SCHIP1: variants seen among roughly 807,000 people sequenced by gnomAD.
SCHIP1 encodes the protein schwannomin interacting protein 1.
In SCHIP1, 8 loss-of-function variants were observed where a neutral mutation model predicts 29.7. The ratio of observed to expected loss-of-function variants is 0.27; its 90% CI spans 0.16 to 0.49. The LOEUF is 0.49. Among genes scored for constraint, SCHIP1 ranks in the 20% least tolerant of loss-of-function variants. The probability of loss-of-function intolerance (pLI) is 0.99; values close to 1 mark genes in which losing one functional copy is unlikely to be tolerated. For missense variants in SCHIP1, 193 were observed against 294.6 expected, an observed-to-expected ratio of 0.66 and a Z score of 2.52; for synonymous variants, 76 against 94.9, an observed-to-expected ratio of 0.80 and a Z score of 1.16.
At chr3:159,655,223 G>A in the SCHIP1 span, among the ~76,000 whole-genome samples, 663 of 152,292 alleles carry the variant, frequency 4.4e-3, 6 homozygotes, top group African/African-American at 0.015. Flanking sequence ...TACTACTGTT[G>A]TATAGTTGAT....
At chr3:159,408,974 C>T in the SCHIP1 span, among the ~76,000 whole-genome samples, 3 of 152,076 alleles carry the variant, frequency 2.0e-5, no homozygotes, top group Non-Finnish European at 4.4e-5. Context: ...GATGCAAGGA[C>T]AATTCAACAT....
At chr3:159,877,227 A>G (rs555298157) in intron 2 of SCHIP1, among the ~76,000 whole-genome samples, 3 of 152,190 alleles carry the variant, frequency 2.0e-5, no homozygotes, top group South Asian at 2.1e-4. Context: ...GCGGGCGCCT[A>G]TAATCCCAGC....
At chr3:159,345,554 T>TCTCTC in the SCHIP1 span, among the ~76,000 whole-genome samples, 448 of 93,502 alleles carry the variant, frequency 4.8e-3, 3 homozygotes, top group African/African-American at 0.016. Flanking sequence ...GTGTCTCTCT[T>TCTCTC]TCTCTCTCTC....
chr3:159,487,873 C>T, the SCHIP1 span, among the ~76,000 whole-genome samples: 2 of 152,190 alleles, frequency 1.3e-5, no homozygotes, highest in Non-Finnish European at 2.9e-5. Context: ...TTTAAAGTCT[C>T]TGTTAAATTA....
At chr3:159,483,861 A>G in the SCHIP1 span, among the ~76,000 whole-genome samples, 2 of 152,206 alleles carry the variant, frequency 1.3e-5, no homozygotes, top group Non-Finnish European at 2.9e-5. Flanking sequence ...AACCATTATT[A>G]TTACTGAGTA....
At chr3:159,659,521 C>T in the SCHIP1 span, among the ~76,000 whole-genome samples, 1 of 152,212 alleles carries the variant, frequency 6.6e-6, no homozygotes, top group Non-Finnish European at 1.5e-5. Flanking sequence ...CAAGAACCAT[C>T]AGACCATGCA....
the SCHIP1 span, among the ~76,000 whole-genome samples, chr3:159,480,661 C>G: frequency 6.6e-6 from 1 of 152,158 alleles, no homozygotes; most frequent in Non-Finnish European, 1.5e-5. Flanking sequence ...AAACATTGCT[C>G]TCTCCTCCCT....
chr3:159,543,490 A>G, the SCHIP1 span, among the ~76,000 whole-genome samples: 1 of 150,492 alleles, frequency 6.6e-6, no homozygotes, highest in African/African-American at 2.5e-5. Flanking sequence ...TCCTTACGAT[A>G]GTTTACTGAG....
At chr3:159,689,909 T>C in the SCHIP1 span, among the ~76,000 whole-genome samples, 3 of 152,346 alleles carry the variant, frequency 2.0e-5, no homozygotes, top group Admixed American at 2.0e-4. Context: ...CTTATTGATT[T>C]GCATATGTTT....
the SCHIP1 span, among the ~76,000 whole-genome samples, chr3:159,485,509 G>A: frequency 6.6e-6 from 1 of 152,148 alleles, no homozygotes; most frequent in Non-Finnish European, 1.5e-5. Flanking sequence ...CCATCTCTTA[G>A]CACTTACTTT....
At chr3:159,493,433 A>C in the SCHIP1 span, among the ~76,000 whole-genome samples, 1 of 152,234 alleles carries the variant, frequency 6.6e-6, no homozygotes, top group Non-Finnish European at 1.5e-5. Flanking sequence ...GAAAACAAAA[A>C]AAGGCAGGGG....
the SCHIP1 span, among the ~76,000 whole-genome samples, chr3:159,755,237 A>T: frequency 6.6e-6 from 1 of 152,160 alleles, no homozygotes; most frequent in South Asian, 2.1e-4. Flanking sequence ...TCCCTCTCAA[A>T]AAAAAAGAAA....
At chr3:159,600,584 C>T in the SCHIP1 span, among the ~76,000 whole-genome samples, 1 of 152,004 alleles carries the variant, frequency 6.6e-6, no homozygotes, top group East Asian at 1.9e-4. Flanking sequence ...TCTCATATCC[C>T]CAATTTTTTG....
At chr3:159,696,235 C>T in the SCHIP1 span, among the ~76,000 whole-genome samples, 189 of 152,328 alleles carry the variant, frequency 1.2e-3, no homozygotes, top group African/African-American at 4.5e-3. Flanking sequence ...ACCATCCATC[C>T]ATGCAATCCC....
the SCHIP1 span, among the ~76,000 whole-genome samples, chr3:159,296,193 G>A: frequency 1.3e-4 from 20 of 151,266 alleles, no homozygotes; most frequent in African/African-American, 3.9e-4. Flanking sequence ...TATTTGAGCC[G>A]AAATTATTTC....
chr3:159,553,242 G>A, the SCHIP1 span, among the ~76,000 whole-genome samples: 2 of 146,734 alleles, frequency 1.4e-5, no homozygotes, highest in Non-Finnish European at 3.0e-5. Flanking sequence ...TTATGAAAAA[G>A]TACTCATTCA....
At chr3:159,482,014 C>T in the SCHIP1 span, among the ~76,000 whole-genome samples, 16 of 151,882 alleles carry the variant, frequency 1.1e-4, 1 homozygote, top group Middle Eastern at 6.3e-3. Context: ...GTGGTATGAG[C>T]GTATGTGTAT....
chr3:159,332,007 C>CT, the SCHIP1 span, among the ~76,000 whole-genome samples: 1 of 152,190 alleles, frequency 6.6e-6, no homozygotes, highest in East Asian at 1.9e-4. Context: ...GTGTCACCTC[C>CT]TGAGGGTGTC....
At chr3:159,824,391 C>T in the SCHIP1 span, among the ~76,000 whole-genome samples, 1 of 152,190 alleles carries the variant, frequency 6.6e-6, no homozygotes. Context: ...GCAGGGCAGG[C>T]ATGCATACCA....
Sources: gnomAD v4.1 joint callset for allele counts (sites outside exome capture counted in the v4.1 genomes callset) on GRCh38, gnomAD v4.1.1 for gene constraint, MANE v1.5 for transcripts, NCBI Gene and HGNC (gene_info 2026-07-23, HGNC 2026-07-21) for gene names.